Variants in SRGAP3 observed in about 807,000 individuals in gnomAD.
SRGAP3 encodes SLIT-ROBO Rho GTPase activating protein 3.
A neutral mutation model predicts 121.1 loss-of-function variants in SRGAP3; 39 were observed. The ratio of observed to expected loss-of-function variants is 0.32; its 90% CI spans 0.25 to 0.42. The LOEUF (loss-of-function observed/expected upper bound fraction) is 0.42. Among genes scored for constraint, SRGAP3 ranks in the 10% least tolerant of loss-of-function variants. SRGAP3 has a pLI of 1.00. For missense variants in SRGAP3, 1,213 were observed against 1,470.6 expected, an observed-to-expected ratio of 0.82 and a Z score of 2.86; for synonymous variants, 601 against 570.0, an observed-to-expected ratio of 1.05 and a Z score of -0.77.
chr3:9,024,957 A>AGTGGTG (rs1290807500), intron 14 of SRGAP3, among the ~76,000 whole-genome samples: 1 of 152,086 alleles, frequency 6.6e-6, no homozygotes, highest in Non-Finnish European at 1.5e-5. Flanking sequence ...TAGTAGTAAC[A>AGTGGTG]GTGGTGGTGG....
intron 3 of SRGAP3, among the ~76,000 whole-genome samples, chr3:9,281,628 T>C (rs559559296): frequency 1.3e-5 from 2 of 152,306 alleles, no homozygotes; most frequent in African/African-American, 4.8e-5. Context: ...ATTTATGTAG[T>C]GTAATTAGCG....
chr3:9,353,469 A>G (rs2030308467), intron 1 of SRGAP3, among the ~76,000 whole-genome samples: 1 of 152,334 alleles, frequency 6.6e-6, no homozygotes, highest in South Asian at 2.1e-4. Context: ...TTACTTATCA[A>G]CATGAAATTC....
chr3:9,198,142 T>C (rs866567854), intron 1 of SRGAP3, among the ~76,000 whole-genome samples: 14 of 152,244 alleles, frequency 9.2e-5, no homozygotes, highest in African/African-American at 3.1e-4. Flanking sequence ...GGTCACAGCC[T>C]ATTTGCTCCA....
At chr3:9,185,300 T>C (rs1007181831) in intron 1 of SRGAP3, among the ~76,000 whole-genome samples, 3 of 152,076 alleles carry the variant, frequency 2.0e-5, no homozygotes, top group Admixed American at 6.5e-5. Context: ...CTCTATCCCT[T>C]ACCTACCTGG....
intron 1 of SRGAP3, among the ~76,000 whole-genome samples, chr3:9,174,452 G>C (rs1257518010): frequency 2.0e-5 from 3 of 152,178 alleles, no homozygotes; most frequent in Non-Finnish European, 2.9e-5. Flanking sequence ...GGAAACGGAG[G>C]GAGAAAGCAA....
intron 1 of SRGAP3, among the ~76,000 whole-genome samples, chr3:9,199,108 C>A (rs1209658028): frequency 6.6e-6 from 1 of 152,180 alleles, no homozygotes; most frequent in East Asian, 1.9e-4. Context: ...ATCCCCAGCA[C>A]CTCTCAGCTG....
chr3:9,223,976 C>A lies in SRGAP3; in HGVS notation c.67+24909G>T, dbSNP rs117189275. Among the ~76,000 whole-genome samples the A allele has an allele frequency of 3.9e-4, 59 of 152,272 alleles. No homozygotes were observed. In the East Asian group the frequency reaches 9.4e-3, roughly 24 times the overall value. ...TCCCAGCACTACACAGGAGTGAAAT[C>A]GGCTCCAGATAGATCATTTCCTTGT... On this transcript the variant is annotated intron_variant, in intron 1 of 21. Coordinates refer to ENST00000383836, the MANE Select transcript of SRGAP3 (RefSeq NM_014850.4).
chr3:9,181,610 G>A (rs1419221860), intron 1 of SRGAP3, among the ~76,000 whole-genome samples: 2 of 152,218 alleles, frequency 1.3e-5, no homozygotes, highest in African/African-American at 2.4e-5. Context: ...AGGCCTCTCC[G>A]GTCTCTGTGC....
chr3:9,013,151 T>C (rs1943454599), intron 17 of SRGAP3, among the ~76,000 whole-genome samples, 157 bp downstream of exon 17: 2 of 152,322 alleles, frequency 1.3e-5, no homozygotes, highest in Middle Eastern at 3.4e-3. Context: ...CTGATGTACC[T>C]ATCTCTCATG....
intron 1 of SRGAP3, among the ~76,000 whole-genome samples, chr3:9,198,868 G>A (rs1022326853): frequency 2.0e-5 from 3 of 152,126 alleles, no homozygotes; most frequent in Non-Finnish European, 2.9e-5. Context: ...TGGAGGAATC[G>A]GCCAGCACAG....
At chr3:9,353,935 G>A (rs538279836) in intron 1 of SRGAP3, among the ~76,000 whole-genome samples, 2 of 152,266 alleles carry the variant, frequency 1.3e-5, no homozygotes, top group South Asian at 2.1e-4. Context: ...GGGAGTACAA[G>A]GAAGGGAGGA....
upstream of SRGAP3, among the ~76,000 whole-genome samples, chr3:9,251,570 G>A (rs1391596287): frequency 2.0e-5 from 3 of 152,192 alleles, no homozygotes; most frequent in Admixed American, 2.0e-4. Context: ...GAGCTCATGA[G>A]AACTTGAGCA....
chr3:9,094,627 C>T (rs1460911062), intron 3 of SRGAP3, among the ~76,000 whole-genome samples: 1 of 152,126 alleles, frequency 6.6e-6, no homozygotes, highest in Non-Finnish European at 1.5e-5. Context: ...CACATTCTTG[C>T]CAGCACTTAG....
chr3:9,136,837 A>G (rs1949683109), intron 1 of SRGAP3, among the ~76,000 whole-genome samples: 1 of 152,156 alleles, frequency 6.6e-6, no homozygotes, highest in Admixed American at 6.5e-5. Flanking sequence ...CCCCTCATCA[A>G]TAGGCCTTTT....
intron 18 of SRGAP3, 24 bp from the exon 19 acceptor site, chr3:8,994,547 G>C: frequency 6.2e-7 from 1 of 1,610,186 alleles, no homozygotes. Context: ...AAGGGAAAAA[G>C]CGTCTCTGAG....
chr3:8,989,872 T>G (rs1559848937), intron 21 of SRGAP3, among the ~76,000 whole-genome samples: 1 of 152,324 alleles, frequency 6.6e-6, no homozygotes, highest in East Asian at 1.9e-4. Flanking sequence ...CTGCCCACCC[T>G]TTGGGTCTCA....
In SRGAP3 at chr3:9,180,466, A is replaced by G. The variant is rs866949899; in HGVS notation, c.68-55549T>C. Among the ~76,000 whole-genome samples, 24 of 152,254 alleles carry G rather than the reference A, an allele frequency of 1.6e-4. No homozygotes were observed. The Middle Eastern group carries it at 0.024, about 151-fold the overall frequency. On this transcript the variant is annotated intron_variant, in intron 1 of 21. Transcript: ENST00000383836. Reference sequence around the variant, plus strand: ...CTTTTGGCTGCAGAAGCAGGCGACCACATCGTGTACCCTCAACCACCAAGA... The same window carrying G: ...CTTTTGGCTGCAGAAGCAGGCGACCGCATCGTGTACCCTCAACCACCAAGA...
intron 1 of SRGAP3, among the ~76,000 whole-genome samples, chr3:9,180,424 CTT>C (rs1485386602): frequency 6.6e-6 from 1 of 152,204 alleles, no homozygotes; most frequent in Non-Finnish European, 1.5e-5. Flanking sequence ...CTTACCCTCT[CTT>C]GTCCCACCAC....
chr3:9,005,660 C>T (rs1004676958), intron 18 of SRGAP3, among the ~76,000 whole-genome samples: 5 of 152,142 alleles, frequency 3.3e-5, no homozygotes, highest in Admixed American at 2.0e-4. Flanking sequence ...AAGAGAAAGG[C>T]CACATGTTAT....
Sources: allele counts gnomAD v4.1 joint callset (sites outside exome capture counted in the v4.1 genomes callset), GRCh38; gene constraint gnomAD v4.1.1; transcripts MANE v1.5; gene names NCBI Gene and HGNC (gene_info 2026-07-23, HGNC 2026-07-21).